Variants in PCSK5 observed in about 807,000 individuals in gnomAD.
The protein encoded by PCSK5 is prohormone convertase 5.
A neutral mutation model predicts 233.2 loss-of-function variants in PCSK5; 129 were observed. That is an observed-to-expected ratio of 0.55 (90% CI 0.48 to 0.64). The LOEUF is 0.64. Among genes scored for constraint, PCSK5 ranks in the 30% least tolerant of loss-of-function variants. PCSK5 has a pLI of 0.00. For synonymous variants in PCSK5, 825 were observed against 879.2 expected, an observed-to-expected ratio of 0.94 and a Z score of 1.09; for missense variants, 2,076 against 2,430.1, an observed-to-expected ratio of 0.85 and a Z score of 3.06.
rs115817199 is a variant in PCSK5, at chr9:76,209,591, G to A, written c.2627-17912G>A. The A allele has an allele frequency of 2.3e-3, 1,180 of 511,108 alleles. 11 individuals carry two copies. Among genetic ancestry groups the A allele is most frequent in the African/African-American group, 0.02 (1,050 of 51,610 alleles). The allele number at this position is 511,108 out of a possible 1,614,324, so 31.7% of individuals were successfully genotyped here. On this transcript the variant is annotated intron_variant, in intron 20 of 37. Coordinates refer to ENST00000674117, the MANE Select transcript of PCSK5 (RefSeq NM_001372043.1). ...TTTAACTATCGTGTCACTGCTTTTC[G>A]CATCCCTAACGTCCAATAGTCAACT...
At chr9:76,105,073 G>C (rs1484179026) in intron 8 of PCSK5, among the ~76,000 whole-genome samples, 1 of 152,202 alleles carries the variant, frequency 6.6e-6, no homozygotes, top group Non-Finnish European at 1.5e-5. Context: ...GGGTCTCAGA[G>C]AGATTGCGGC....
intron 37 of PCSK5, among the ~76,000 whole-genome samples, chr9:76,355,636 C>T (rs1404510779): frequency 1.3e-5 from 2 of 152,276 alleles, no homozygotes; most frequent in Admixed American, 6.5e-5. Context: ...AATCCCAGAC[C>T]CATAACTGCT....
intron 35 of PCSK5, among the ~76,000 whole-genome samples, chr9:76,344,397 A>G (rs1354169920): frequency 6.6e-6 from 1 of 152,120 alleles, no homozygotes; most frequent in Non-Finnish European, 1.5e-5. Context: ...CTACCATATC[A>G]TGGTTCCCAG....
At position 76,069,952 on chromosome 9, in the gene PCSK5, G is replaced by A. The variant is rs545196168; in HGVS notation, c.722-1774G>A. ...CAGTACATCGAGATCATTATGTAGG[G>A]TTTTTTACTCACACCATGGACAAAC... is the stretch of plus-strand genomic sequence containing the variant. On this transcript the variant is annotated intron_variant, in intron 6 of 37. Coordinates refer to ENST00000674117, the MANE Select transcript of PCSK5 (RefSeq NM_001372043.1). Among the ~76,000 whole-genome samples the A allele has an allele frequency of 4.0e-5, 6 of 151,274 alleles. No individual in the cohort carries two copies. The South Asian group carries it at 1.3e-3, about 32-fold the overall frequency.
chr9:75,942,419 G>A (rs1185442119), intron 2 of PCSK5, among the ~76,000 whole-genome samples: 1 of 152,206 alleles, frequency 6.6e-6, no homozygotes, highest in Non-Finnish European at 1.5e-5. Flanking sequence ...TTTCTCTTTG[G>A]TCTGATGCTC....
intron 13 of PCSK5, among the ~76,000 whole-genome samples, chr9:76,171,021 A>C (rs900314731): frequency 6.6e-6 from 1 of 152,212 alleles, no homozygotes; most frequent in South Asian, 2.1e-4. Flanking sequence ...AATCAGGATA[A>C]ACGTTTTGTT....
intron 24 of PCSK5, among the ~76,000 whole-genome samples, chr9:76,257,710 C>G (rs1427450085): frequency 6.6e-6 from 1 of 152,122 alleles, no homozygotes; most frequent in African/African-American, 2.4e-5. Flanking sequence ...CTGGACAGGG[C>G]CATGCCTCAC....
At chr9:76,138,899 T>C (rs1823086399) in intron 10 of PCSK5, among the ~76,000 whole-genome samples, 1 of 152,030 alleles carries the variant, frequency 6.6e-6, no homozygotes, top group South Asian at 2.1e-4. Flanking sequence ...GTCTCTTTTT[T>C]TCTACCAGCA....
chr9:75,917,146 G>A (rs896033810), intron 1 of PCSK5, among the ~76,000 whole-genome samples: 22 of 141,956 alleles, frequency 1.5e-4, no homozygotes, highest in Non-Finnish European at 2.8e-4. Context: ...GCCATCCTGG[G>A]CAACGAAGAG....
intron 5 of PCSK5, among the ~76,000 whole-genome samples, chr9:76,049,606 A>C (rs1158591082): frequency 6.6e-6 from 1 of 152,226 alleles, no homozygotes; most frequent in African/African-American, 2.4e-5. Flanking sequence ...ACAAAGCTCC[A>C]CCCACCTTCT....
intron 37 of PCSK5, among the ~76,000 whole-genome samples, chr9:76,354,919 GAACT>G (rs1039552757): frequency 3.3e-5 from 5 of 152,152 alleles, no homozygotes; most frequent in East Asian, 3.8e-4. Context: ...AAAAAGAAAA[GAACT>G]AACTATCAAG....
intron 10 of PCSK5, among the ~76,000 whole-genome samples, chr9:76,142,581 T>C (rs1823271075): frequency 6.6e-6 from 1 of 152,156 alleles, no homozygotes; most frequent in African/African-American, 2.4e-5. Context: ...TCATAGTATG[T>C]GCTTAAGTAA....
At chr9:76,020,564 A>G (rs1828140291) in intron 3 of PCSK5, among the ~76,000 whole-genome samples, 1 of 152,206 alleles carries the variant, frequency 6.6e-6, no homozygotes, top group South Asian at 2.1e-4. Flanking sequence ...GTATGAAAGC[A>G]TCAGTTGGAT....
chr9:76,345,111 C>T (rs552667759), intron 35 of PCSK5, among the ~76,000 whole-genome samples: 19 of 152,260 alleles, frequency 1.2e-4, no homozygotes, highest in African/African-American at 4.6e-4. Flanking sequence ...AGTAGTTTTT[C>T]AACCCTTGCC....
At chr9:76,302,959 C>CTTTTT (rs10552673) in intron 28 of PCSK5, among the ~76,000 whole-genome samples, 14 of 87,466 alleles carry the variant, frequency 1.6e-4, no homozygotes, top group Middle Eastern at 0.018. Context: ...CAAAGTGGTT[C>CTTTTT]TTTTTTTTTT....
chr9:76,269,707 G>A (rs925820733), intron 24 of PCSK5, among the ~76,000 whole-genome samples: 4 of 152,192 alleles, frequency 2.6e-5, no homozygotes, highest in African/African-American at 7.2e-5. Flanking sequence ...TTCCATAGAA[G>A]CCATCACATA....
intron 3 of PCSK5, among the ~76,000 whole-genome samples, chr9:76,017,738 T>TTGTGTGTGTGTATGTG (rs1828006046): frequency 6.6e-6 from 1 of 151,848 alleles, no homozygotes; most frequent in Non-Finnish European, 1.5e-5. Context: ...CTGGGGGCAA[T>TTGTGTGTGTGTATGTG]TGTGTGTGTG....
intron 3 of PCSK5, among the ~76,000 whole-genome samples, chr9:76,001,363 C>G (rs772476840): frequency 6.6e-6 from 1 of 151,690 alleles, no homozygotes; most frequent in Non-Finnish European, 1.5e-5. Context: ...TTTGAAATGA[C>G]TCTCATGCTG....
intron 29 of PCSK5, among the ~76,000 whole-genome samples, chr9:76,310,285 C>T (rs1828827956): frequency 6.6e-6 from 1 of 151,742 alleles, no homozygotes; most frequent in Non-Finnish European, 1.5e-5. Context: ...TGTTAGTGTC[C>T]TAACAAGATG....
Sources: allele counts gnomAD v4.1 joint callset (sites outside exome capture counted in the v4.1 genomes callset), GRCh38; gene constraint gnomAD v4.1.1; transcripts MANE v1.5; gene names NCBI Gene and HGNC (gene_info 2026-07-23, HGNC 2026-07-21).